Variants in NIBAN3 observed in about 807,000 individuals in gnomAD.
NIBAN3 encodes the protein niban apoptosis regulator 3.
Under a neutral mutation model 76.4 loss-of-function variants are expected in NIBAN3, and 66 were observed. The observed-to-expected ratio is 0.86, with a 90% confidence interval of 0.71 to 1.06. NIBAN3 has a LOEUF of 1.06. Among genes scored for constraint, NIBAN3 ranks in the 50% least tolerant of loss-of-function variants. The probability of loss-of-function intolerance (pLI) is 0.00; values close to 1 mark genes in which losing one functional copy is unlikely to be tolerated. For synonymous variants in NIBAN3, 360 were observed against 355.2 expected, an observed-to-expected ratio of 1.01 and a Z score of -0.15; for missense variants, 808 against 810.7, an observed-to-expected ratio of 1.00 and a Z score of 0.04.
In NIBAN3 at chr19:17,532,393, G is replaced by T. The variant is rs776482265; in HGVS notation, c.312+5G>T. On this transcript the variant is annotated splice_donor_5th_base_variant and intron_variant, in intron 3 of 14. Coordinates refer to ENST00000599164, the MANE Select transcript of NIBAN3 (RefSeq NM_001321827.2). ...GAGTGGTTCAGCCACAAGGAGGTGC[G>T]TGATTGGCACGTGGCCTTTCTACTT... 3 of 1,614,098 alleles carry T rather than the reference G, an allele frequency of 1.9e-6. No homozygotes were observed. The highest frequency in any genetic ancestry group is 2.5e-6 in the Non-Finnish European group (3 of 1,180,046).
At chr19:17,549,210 T>C (rs2076113374) in intron 13 of NIBAN3, among the ~76,000 whole-genome samples, 1 of 152,236 alleles carries the variant, frequency 6.6e-6, no homozygotes, top group African/African-American at 2.4e-5. Flanking sequence ...TGATTTGTGA[T>C]GTCTGCCTAG....
chr19:17,549,806 ATC>A (rs144647053), intron 14 of NIBAN3: 203 of 373,080 alleles, frequency 5.4e-4, no homozygotes, highest in South Asian at 1.7e-3. Flanking sequence ...TTTGTGTCCC[ATC>A]TCTCTCTCTC....
At chr19:17,528,453 T>C (rs1357908701) in intron 1 of NIBAN3, among the ~76,000 whole-genome samples, 4 of 152,046 alleles carry the variant, frequency 2.6e-5, no homozygotes, top group Non-Finnish European at 5.9e-5. Context: ...GGGGTTCAGG[T>C]GGGAGGCATA....
intron 14 of NIBAN3, chr19:17,549,821 T>A: frequency 2.0e-6 from 1 of 494,492 alleles, no homozygotes; most frequent in Non-Finnish European, 3.6e-6. Flanking sequence ...TCTCTCTCTC[T>A]CTCTCTTTTT....
intron 1 of NIBAN3, 39 bp downstream of exon 1, chr19:17,527,434 G>A: frequency 6.8e-7 from 1 of 1,475,858 alleles, no homozygotes; most frequent in Non-Finnish European, 9.0e-7. Context: ...GAGTCCAGGT[G>A]GGTGGGGGCT....
At chr19:17,549,391 C>T in intron 13 of NIBAN3, 53 bp from the exon 14 acceptor site, 4 of 1,252,138 alleles carry the variant, frequency 3.2e-6, no homozygotes, top group South Asian at 2.6e-5. Flanking sequence ...TGCAGGGAAG[C>T]CCCTTGATGC....
chr19:17,553,442 G>A lies in NIBAN3; in HGVS notation c.*1544G>A, dbSNP rs544629081. ...TCTCTGCTGTCTTGCAGCTGCTTCC[G>A]GAGTGGGTTCCACAGGGATTCCCGT... is the stretch of plus-strand genomic sequence containing the variant. On this transcript the variant is annotated 3_prime_UTR_variant, in exon 15 of 15. Coordinates refer to ENST00000599164, the MANE Select transcript of NIBAN3 (RefSeq NM_001321827.2). 15 of 1,614,128 alleles carry A rather than the reference G, an allele frequency of 9.3e-6. No homozygotes were observed. The highest frequency in any genetic ancestry group is 8.3e-5 in the Admixed American group (5 of 60,006).
chr19:17,530,258 T>G, intron 1 of NIBAN3, among the ~76,000 whole-genome samples: 1 of 150,630 alleles, frequency 6.6e-6, no homozygotes, highest in Non-Finnish European at 1.5e-5. Context: ...GAAGTAGAGG[T>G]TGCAGTGAGC....
intron 8 of NIBAN3, 140 bp downstream of exon 8, chr19:17,539,905 G>T: frequency 1.7e-6 from 1 of 597,964 alleles, no homozygotes; most frequent in Non-Finnish European, 2.8e-6. Flanking sequence ...AGCATAGGAT[G>T]TGCAAGGGAA....
chr19:17,555,086 T>A (rs1020146610), downstream of NIBAN3, among the ~76,000 whole-genome samples: 3 of 152,172 alleles, frequency 2.0e-5, no homozygotes, highest in Admixed American at 6.6e-5. Flanking sequence ...ATGCCCTGGC[T>A]CTATTTTCAC....
intron 14 of NIBAN3, chr19:17,549,939 C>T: frequency 2.8e-6 from 1 of 358,246 alleles, no homozygotes; most frequent in Non-Finnish European, 5.0e-6. Flanking sequence ...GCCTCAGCCT[C>T]CCGAGTAGCT....
upstream of NIBAN3, among the ~76,000 whole-genome samples, chr19:17,524,295 CT>C (rs796113660): frequency 6.6e-6 from 1 of 150,698 alleles, no homozygotes; most frequent in Non-Finnish European, 1.5e-5. Flanking sequence ...TTTCTTTTTT[CT>C]TTTTTTTGAG....
chr19:17,555,342 G>A (rs1002749701), downstream of NIBAN3, among the ~76,000 whole-genome samples: 5 of 152,110 alleles, frequency 3.3e-5, no homozygotes, highest in African/African-American at 1.2e-4. Context: ...AGCCAAGTCC[G>A]CCTGGTGGCA....
intron 4 of NIBAN3, among the ~76,000 whole-genome samples, chr19:17,536,425 G>A (rs1476545881): frequency 1.3e-5 from 2 of 152,106 alleles, no homozygotes; most frequent in Non-Finnish European, 1.5e-5. Context: ...CTGACCTCAC[G>A]TGATCCGCCT....
At position 17,539,428 on chromosome 19, in the gene NIBAN3, G is replaced by T; in HGVS notation, c.793G>T (p.Ala265Ser). The T allele has an allele frequency of 1.3e-6, 2 of 1,505,332 alleles. No individual in the cohort carries two copies. The highest frequency in any genetic ancestry group is 1.8e-6 in the Non-Finnish European group (2 of 1,131,544). The allele number at this position is 1,505,332 out of a possible 1,614,324, so 93.2% of individuals were successfully genotyped here. A position where few individuals can be genotyped will look rare whatever the true frequency, so the allele number is the denominator to read the frequency against. Residue 265 changes from alanine to serine, a missense_variant, in exon 7 of 15, where the codon GCC (alanine) becomes TCC (serine). By Grantham distance (99) the Ala-to-Ser change is moderately conservative (BLOSUM62 1). Transcript: ENST00000599164. ...TCCTGGCCTGCGGGGGGCAGGCCGC[G>T]CCCGCGCCTGGGCCTGGACCGAGGT... ...TLPGLRGAGR[A>S]RAWAWTELLD...
intron 9 of NIBAN3, among the ~76,000 whole-genome samples, chr19:17,541,100 C>G (rs1327533834): frequency 6.6e-6 from 1 of 152,142 alleles, no homozygotes; most frequent in African/African-American, 2.4e-5. Flanking sequence ...TTAGCAAAAT[C>G]AGTCTGAGGT....
chr19:17,537,974 G>T (rs1568450364), intron 5 of NIBAN3, among the ~76,000 whole-genome samples: 1 of 151,476 alleles, frequency 6.6e-6, no homozygotes, highest in Non-Finnish European at 1.5e-5. Context: ...AGAAGAAAAT[G>T]GGTTGTTGGG....
intron 5 of NIBAN3, among the ~76,000 whole-genome samples, chr19:17,538,183 G>A (rs944226107): frequency 7.2e-5 from 11 of 152,180 alleles, no homozygotes; most frequent in Non-Finnish European, 1.2e-4. Context: ...TTGGGAGGCC[G>A]AGGCGGGAGG....
intron 4 of NIBAN3, among the ~76,000 whole-genome samples, chr19:17,535,131 G>A (rs2075802870): frequency 6.6e-6 from 1 of 152,162 alleles, no homozygotes; most frequent in Admixed American, 6.6e-5. Context: ...AATATATTAT[G>A]GCCTGGCCCT....
Sources: gnomAD v4.1 joint callset for allele counts (sites outside exome capture counted in the v4.1 genomes callset) on GRCh38, gnomAD v4.1.1 for gene constraint, MANE v1.5 for transcripts, NCBI Gene and HGNC (gene_info 2026-07-23, HGNC 2026-07-21) for gene names.